The following AVEN variants were observed in gnomAD, a reference collection of about 807,000 sequenced individuals.
The protein encoded by AVEN is apoptosis and caspase activation inhibitor.
AVEN carries 41 observed loss-of-function variants against 38.1 expected under a neutral mutation model. The observed-to-expected ratio is 1.08, with a 90% CI of 0.84 to 1.40. The LOEUF (loss-of-function observed/expected upper bound fraction) is 1.40. AVEN is among the 40% of genes most tolerant of loss of function. The pLI is 0.00. For missense variants in AVEN, 605 were observed against 438.8 expected (o/e 1.38, Z -3.38); for synonymous variants, 206 against 171.8 (o/e 1.20, Z -1.56).
intron 5 of AVEN, among the ~76,000 whole-genome samples, chr15:34,052,293 A>G (rs1216978714): frequency 6.6e-6 from 1 of 152,220 alleles, no homozygotes; most frequent in Non-Finnish European, 1.5e-5. Context: ...GAAAAAATTT[A>G]AATCCCTTCA....
At chr15:33,933,197 G>A (rs552854697) in intron 2 of AVEN, among the ~76,000 whole-genome samples, 1 of 152,176 alleles carries the variant, frequency 6.6e-6, no homozygotes, top group African/African-American at 2.4e-5. Context: ...TATTATTATA[G>A]GTAGGTTACG....
At chr15:33,867,384 C>CTGGA in intron 5 of AVEN, 111 bp downstream of exon 5, 1 of 1,420,278 alleles carries the variant, frequency 7.0e-7, no homozygotes, top group South Asian at 1.4e-5. Context: ...GTGGACAACA[C>CTGGA]TGGATCAATG....
chr15:33,861,405 G>A (rs1319364800), downstream of AVEN, among the ~76,000 whole-genome samples: 2 of 151,942 alleles, frequency 1.3e-5, no homozygotes, highest in South Asian at 4.2e-4. Flanking sequence ...ACCTGTGATT[G>A]GATTCCATCC....
rs763355655 is a variant in AVEN at position 33,867,514 on chromosome 15, C to A, written c.954G>T (p.Glu318Asp). ...CCATACCTTCTTCCTCTTGGACCAC[C>A]TCCCCATCTTCCTTGGATTTCAGGT... ...SQDLKSKEDGEVVQEEEVCAK... is the reference protein window; with the variant it reads ...SQDLKSKEDGDVVQEEEVCAK... Residue 318 changes from glutamate (E) to aspartate (D), a missense_variant, in exon 5 of 6, where the codon GAG becomes GAT. Glu to Asp is a conservative substitution (Grantham distance 45, BLOSUM62 2). Coordinates refer to ENST00000306730, the MANE Select transcript of AVEN (RefSeq NM_020371.3). The A allele has an allele frequency of 4.2e-5, 66 of 1,584,168 alleles. 2 individuals carry two copies. In the South Asian group the frequency reaches 7.1e-4, roughly 17 times the overall value.
chr15:33,859,927 A>T (rs1201431776), intron 11 of AVEN, among the ~76,000 whole-genome samples: 1 of 152,230 alleles, frequency 6.6e-6, no homozygotes, highest in Non-Finnish European at 1.5e-5. Context: ...AGGCACAGTT[A>T]TAAGAAGCTT....
rs1899322257 is a variant in AVEN, at chr15:34,038,968, C to G, written c.79G>C (p.Glu27Gln). The G allele has an allele frequency of 2.7e-6, 3 of 1,110,288 alleles. No homozygotes were observed. 68.8% of individuals were successfully genotyped at this position (1,110,288 alleles called of 1,614,324 possible). Reference sequence around the variant, plus strand: ...ACCGCCGCTGCGGCTCCGGGCCGCTCGCTGTGGCGATCTCCGCCAGGCCGG... The same window carrying G: ...ACCGCCGCTGCGGCTCCGGGCCGCTGGCTGTGGCGATCTCCGCCAGGCCGG... ...RGRPGGDRHSERPGAAAAVAR... is the reference protein window; with the variant it reads ...RGRPGGDRHSQRPGAAAAVAR... The change falls in exon 1 of 6, where the codon GAG (glutamate) becomes CAG (glutamine). Residue 27 changes from glutamate to glutamine, a missense_variant. Glu to Gln is a conservative substitution (Grantham distance 29). Coordinates refer to ENST00000306730, the MANE Select transcript of AVEN (RefSeq NM_020371.3).
intron 2 of AVEN, among the ~76,000 whole-genome samples, chr15:33,915,570 G>A (rs1893105956): frequency 6.6e-6 from 1 of 152,178 alleles, no homozygotes; most frequent in Non-Finnish European, 1.5e-5. Context: ...AGGTCCTTGG[G>A]GAGGGCTACC....
intron 3 of AVEN, among the ~76,000 whole-genome samples, chr15:33,875,566 TGA>T (rs747982704): frequency 9.9e-5 from 15 of 152,268 alleles, no homozygotes; most frequent in African/African-American, 2.4e-4. Flanking sequence ...CCAAAAACAG[TGA>T]GAGACAGAAA....
At chr15:33,987,552 C>T (rs571405238) in intron 2 of AVEN, among the ~76,000 whole-genome samples, 1 of 152,290 alleles carries the variant, frequency 6.6e-6, no homozygotes, top group Non-Finnish European at 1.5e-5. Context: ...TGCCCATCCC[C>T]TTCTTCTCAG....
At chr15:33,995,867 C>T (rs572547344) in intron 2 of AVEN, among the ~76,000 whole-genome samples, 15 of 152,312 alleles carry the variant, frequency 9.8e-5, no homozygotes, top group African/African-American at 3.4e-4. Context: ...CGAGCTGAAG[C>T]GGGGCGGGGC....
intron 2 of AVEN, among the ~76,000 whole-genome samples, chr15:33,879,404 G>C (rs10467955): frequency 0.02 from 2,370 of 120,292 alleles, 53 homozygotes; most frequent in African/African-American, 0.063. Context: ...GACTGTTGTG[G>C]GGTGGGGGGA....
rs537193729 is a variant in AVEN at position 33,875,008 on chromosome 15, A to G, written c.516+917T>C. Among the ~76,000 whole-genome samples the G allele has an allele frequency of 3.9e-5, 6 of 152,302 alleles. No homozygotes were observed. In the South Asian group the frequency reaches 1.2e-3, roughly 32 times the overall value. On this transcript the variant is annotated intron_variant, in intron 3 of 5. Transcript: ENST00000306730. ...CACCTTTTTCTATGGCATATATAAC[A>G]CGTTCTTTGTAAAGTGCCAGGCAGT...
At chr15:33,852,074 G>C in the AVEN span, 1 of 21,982 alleles carries the variant, frequency 4.5e-5, no homozygotes, top group Non-Finnish European at 1.2e-4. Context: ...TGAGAGGTCA[G>C]TGAATAGTAG....
intron 2 of AVEN, among the ~76,000 whole-genome samples, chr15:33,908,577 T>C (rs559235275): frequency 2.6e-5 from 4 of 152,346 alleles, no homozygotes; most frequent in African/African-American, 9.6e-5. Flanking sequence ...CCATTCTGGG[T>C]GACTCATATA....
At chr15:33,913,154 G>A (rs1004905372) in intron 2 of AVEN, among the ~76,000 whole-genome samples, 23 of 152,290 alleles carry the variant, frequency 1.5e-4, no homozygotes, top group African/African-American at 5.5e-4. Context: ...CTCCCAAAGT[G>A]TAGGGATTAC....
chr15:33,866,622 C>T lies in AVEN; in HGVS notation c.1080G>A (p.Met360Ile). The T allele has an allele frequency of 1.2e-6, 2 of 1,613,278 alleles. No homozygotes were observed. Among genetic ancestry groups the T allele is most frequent in the Non-Finnish European group, 1.7e-6 (2 of 1,179,484 alleles). Reference protein sequence around the residue: ...EEELEDWLDSMIS With the variant: ...EEELEDWLDSIIS ...ACTTTTTTTCCCCTTTTTAGGAAATCATGCTGTCCAACCAGTCTTCCAGCT... is the reference window on the plus strand; with the variant it reads ...ACTTTTTTTCCCCTTTTTAGGAAATTATGCTGTCCAACCAGTCTTCCAGCT... Residue 360 changes from methionine to isoleucine, a missense_variant, in exon 6 of 6, where the codon ATG (methionine) becomes ATA (isoleucine). Transcript: ENST00000306730.
downstream of AVEN, among the ~76,000 whole-genome samples, chr15:33,854,041 T>C (rs2079379849): frequency 6.6e-6 from 1 of 151,846 alleles, no homozygotes; most frequent in Non-Finnish European, 1.5e-5. Flanking sequence ...ATAATATTTT[T>C]AAAAAGTAGC....
chr15:33,909,794 GCCA>G, intron 2 of AVEN, among the ~76,000 whole-genome samples: 1 of 152,252 alleles, frequency 6.6e-6, no homozygotes, highest in South Asian at 2.1e-4. Context: ...AATTATAACT[GCCA>G]CAACTTTGCA....
chr15:33,867,612 GTTC>G lies in AVEN; in HGVS notation c.853_855del (p.Glu285del), dbSNP rs761940988. 5.4e-5 allele frequency: 87 copies of G among 1,614,056 alleles called. No individual in the cohort carries two copies. The highest frequency in any genetic ancestry group is 2.1e-4 in the African/African-American group (16 of 74,912). On this transcript the variant is annotated inframe_deletion, in exon 5 of 6. Transcript: ENST00000306730. ...GCATCTAAATTAAGCAACAGATCTAGTTCTTCTTCCAAATGGTCTCCTGCTGAC... is the reference window on the plus strand; with the variant it reads ...GCATCTAAATTAAGCAACAGATCTAGTTCTTCCAAATGGTCTCCTGCTGAC...
Sources: allele counts gnomAD v4.1 joint callset (sites outside exome capture counted in the v4.1 genomes callset), GRCh38; gene constraint gnomAD v4.1.1; transcripts MANE v1.5; gene names NCBI Gene and HGNC (gene_info 2026-07-23, HGNC 2026-07-21).